SMYD2: variants seen among roughly 807,000 people sequenced by gnomAD.
The protein encoded by SMYD2 is SET and MYND domain containing 2, also known as N-lysine methyltransferase SMYD2.
SMYD2 carries 53 observed loss-of-function variants against 59.1 expected under a neutral mutation model. The ratio of observed to expected loss-of-function variants is 0.90; its 90% confidence interval spans 0.72 to 1.13. SMYD2 has a LOEUF of 1.13. Ranked by LOEUF, SMYD2 falls within the 50% of genes most tolerant of loss-of-function variation. The pLI is 0.00. For missense variants in SMYD2, 494 were observed against 544.7 expected (o/e 0.91, Z 0.93); for synonymous variants, 208 against 198.8 (o/e 1.05, Z -0.39).
chr1:214,315,231 C>T (rs537891377), intron 3 of SMYD2, among the ~76,000 whole-genome samples: 1 of 152,216 alleles, frequency 6.6e-6, no homozygotes, highest in Non-Finnish European at 1.5e-5. Context: ...ATTTTCCTCT[C>T]TTTCCATTCT....
chr1:214,323,526 G>T (rs1657205609), intron 5 of SMYD2, among the ~76,000 whole-genome samples: 1 of 152,106 alleles, frequency 6.6e-6, no homozygotes, highest in South Asian at 2.1e-4. Context: ...CCACCTCCCA[G>T]GTTCAAGTGA....
chr1:214,325,384 C>T (rs1371218170), intron 6 of SMYD2, among the ~76,000 whole-genome samples: 2 of 152,236 alleles, frequency 1.3e-5, no homozygotes, highest in Non-Finnish European at 2.9e-5. Context: ...TGAAATCAAA[C>T]CCTTGCTTCA....
chr1:214,332,255 A>G, intron 10 of SMYD2, 63 bp downstream of exon 10: 6 of 1,558,364 alleles, frequency 3.9e-6, no homozygotes, highest in Non-Finnish European at 5.2e-6. Context: ...AATGTATACG[A>G]TAGTGTCATC....
chr1:214,297,894 A>G lies in SMYD2; in HGVS notation c.174-7293A>G, dbSNP rs192757094. ...TAAGAAAATTCACACTGCTGAAAGA[A>G]ATTAGAGATGACACAAACAAATGGA... On this transcript the variant is annotated intron_variant, in intron 1 of 11. Transcript: ENST00000366957. 4.0e-3 allele frequency among the ~76,000 whole-genome samples: 614 copies of G among 152,186 alleles called. 7 individuals carry two copies. Among genetic ancestry groups the G allele is most frequent in the Admixed American group, 8.4e-3 (129 of 15,300 alleles).
intron 5 of SMYD2, among the ~76,000 whole-genome samples, chr1:214,319,399 A>G (rs1036556606): frequency 6.6e-6 from 1 of 152,122 alleles, no homozygotes; most frequent in African/African-American, 2.4e-5. Flanking sequence ...GGCTGCACTG[A>G]TAGGAGGGCC....
At chr1:214,308,403 G>C (rs1380359328) in intron 2 of SMYD2, among the ~76,000 whole-genome samples, 1 of 152,204 alleles carries the variant, frequency 6.6e-6, no homozygotes, top group African/African-American at 2.4e-5. Context: ...TAAGTGCCTA[G>C]AAATAAAGGG....
intron 1 of SMYD2, among the ~76,000 whole-genome samples, chr1:214,288,495 C>G (rs142295857): frequency 6.6e-6 from 1 of 152,306 alleles, no homozygotes; most frequent in Admixed American, 6.5e-5. Context: ...GTGGTTCACC[C>G]AGGGACTTCA....
intron 1 of SMYD2, among the ~76,000 whole-genome samples, chr1:214,296,517 G>A (rs1165521848): frequency 6.6e-6 from 1 of 152,036 alleles, no homozygotes; most frequent in Non-Finnish European, 1.5e-5. Context: ...TGTGCTGATG[G>A]TATTTCAACA....
Position 214,318,111 on chromosome 1 carries a change from A to G in SMYD2, c.381A>G (p.Lys127=). The G allele has an allele frequency of 6.2e-7, 1 of 1,613,942 alleles. No individual in the cohort carries two copies. The highest frequency in any genetic ancestry group is 2.2e-5 in the East Asian group (1 of 44,868). ...KIHPERTPSE[K]LLAVKEFESH... is the part of the protein sequence containing the mutation. ...ACCCAGAGAGAACACCTTCGGAAAA[A>G]TTGTTAGCTGTGAAGGAGTTTGAAT... The change falls in exon 4 of 12, where the codon AAA becomes AAG. Residue 127 remains lysine (K), a synonymous_variant. Transcript: ENST00000366957. The surrounding 1 kb of genome is among the most constrained non-coding windows in gnomAD (Gnocchi z 5.4).
At chr1:214,322,205 C>G (rs147346032) in intron 5 of SMYD2, among the ~76,000 whole-genome samples, 1,885 of 152,326 alleles carry the variant, frequency 0.012, 22 homozygotes, top group African/African-American at 0.043. Flanking sequence ...CCAGAAACTG[C>G]TGAGGCGTGG....
chr1:214,301,527 A>T (rs1424669094), intron 1 of SMYD2, among the ~76,000 whole-genome samples: 1 of 151,220 alleles, frequency 6.6e-6, no homozygotes, highest in Non-Finnish European at 1.5e-5. Context: ...AAAAAATCAT[A>T]ATTCTTAATA....
At chr1:214,334,708 T>G (rs181999292) in intron 11 of SMYD2, among the ~76,000 whole-genome samples, 2 of 152,358 alleles carry the variant, frequency 1.3e-5, no homozygotes, top group East Asian at 3.9e-4. Flanking sequence ...GTTTCTAAAA[T>G]GCACTTAATC....
chr1:214,307,725 TG>T (rs1656936282), intron 2 of SMYD2, among the ~76,000 whole-genome samples: 1 of 152,182 alleles, frequency 6.6e-6, no homozygotes, highest in Non-Finnish European at 1.5e-5. Flanking sequence ...ATGCCCTTTA[TG>T]GTTTCCCTGC....
At position 214,306,479 on chromosome 1, in the gene SMYD2, G is replaced by A. The variant is rs531934653; in HGVS notation, c.237+1229G>A. Among the ~76,000 whole-genome samples, 447 of 152,268 alleles carry A rather than the reference G, an allele frequency of 2.9e-3. 1 individual carries two copies. Among genetic ancestry groups the A allele is most frequent in the Non-Finnish European group, 5.4e-3 (370 of 68,026 alleles). ...CTTAGCTCTGAAGACCATATGCACC[G>A]TCCCCTTCCCTGTGTTTCCCACAGC... On this transcript the variant is annotated intron_variant, in intron 2 of 11. Coordinates refer to ENST00000366957, the MANE Select transcript of SMYD2 (RefSeq NM_020197.3).
chr1:214,333,366 AGCTCTGGTCTTCTGTGGG>A (rs1657387016), intron 10 of SMYD2: 1 of 152,258 alleles, frequency 6.6e-6, no homozygotes, highest in Admixed American at 6.5e-5. Flanking sequence ...CCGGAAGCCC[AGCTCTGGTCTTCTGTGGG>A]GCCGTGGGTC....
At position 214,332,211 on chromosome 1, in the gene SMYD2, C is replaced by G. The variant is rs1229948641; in HGVS notation, c.1112+19C>G. The G allele has an allele frequency of 3.1e-6, 5 of 1,612,082 alleles. No individual in the cohort carries two copies. The highest frequency in any genetic ancestry group is 1.3e-5 in the African/African-American group (1 of 74,870). ...CCTACAGGTGATTGCAGAGGCTGTT[C>G]TAATCATCCACGGAGTGGAATTTGG... On this transcript the variant is annotated intron_variant, in intron 10 of 11. Coordinates refer to ENST00000366957, the MANE Select transcript of SMYD2 (RefSeq NM_020197.3).
intron 5 of SMYD2, among the ~76,000 whole-genome samples, chr1:214,319,803 G>C (rs1657141579): frequency 6.6e-6 from 1 of 152,232 alleles, no homozygotes; most frequent in Non-Finnish European, 1.5e-5. Context: ...TTCCCAGGTA[G>C]AGAAATATTA....
At chr1:214,303,887 C>T (rs942391429) in intron 1 of SMYD2, among the ~76,000 whole-genome samples, 7 of 152,264 alleles carry the variant, frequency 4.6e-5, no homozygotes, top group Non-Finnish European at 8.8e-5. Context: ...TTCGTGCTGT[C>T]GGTATCTCCA....
intron 1 of SMYD2, among the ~76,000 whole-genome samples, chr1:214,295,828 T>G (rs1656717697): frequency 6.6e-6 from 1 of 152,230 alleles, no homozygotes; most frequent in Non-Finnish European, 1.5e-5. Context: ...TCTGCCACAA[T>G]TCCTCCAATT....
Sources: allele counts gnomAD v4.1 joint callset (sites outside exome capture counted in the v4.1 genomes callset), GRCh38; gene constraint gnomAD v4.1.1; non-coding constraint Gnocchi (gnomAD v3.1); transcripts MANE v1.5; gene names NCBI Gene and HGNC (gene_info 2026-07-23, HGNC 2026-07-21).